AOPEP: variants seen among roughly 807,000 people sequenced by gnomAD.
AOPEP encodes the protein aminopeptidase O (putative).
AOPEP carries 77 observed loss-of-function variants against 98.1 expected under a neutral mutation model. The observed-to-expected ratio is 0.78, with a 90% confidence interval of 0.65 to 0.95. The LOEUF is 0.95. Among genes scored for constraint, AOPEP ranks in the 40% least tolerant of loss-of-function variants. AOPEP has a pLI of 0.00. For synonymous variants in AOPEP, 346 were observed against 365.3 expected, an observed-to-expected ratio of 0.95 and a Z score of 0.60; for missense variants, 1,024 against 1,024.7, an observed-to-expected ratio of 1.00 and a Z score of 0.01.
At chr9:95,004,995 A>G (rs1291846468) in intron 11 of AOPEP, 163 bp from the exon 12 acceptor site, 1 of 158,084 alleles carries the variant, frequency 6.3e-6, no homozygotes, top group Admixed American at 6.8e-5. Flanking sequence ...GCCTGAGGTG[A>G]TGCGGACCCC....
At chr9:95,070,246 A>G (rs767360920) in intron 14 of AOPEP, among the ~76,000 whole-genome samples, 6 of 152,358 alleles carry the variant, frequency 3.9e-5, no homozygotes, top group Middle Eastern at 3.4e-3. Context: ...AAGTCAAGTT[A>G]AATCTAATTT....
intron 1 of AOPEP, among the ~76,000 whole-genome samples, chr9:94,744,925 T>C (rs1288744536): frequency 6.6e-6 from 1 of 152,108 alleles, no homozygotes; most frequent in Non-Finnish European, 1.5e-5. Flanking sequence ...GAGCTCTTTT[T>C]TTATTTTTAA....
intron 16 of AOPEP, chr9:95,086,377 G>A (rs919135594): frequency 2.8e-5 from 28 of 985,328 alleles, no homozygotes; most frequent in Admixed American, 6.1e-5. Flanking sequence ...CTCCCACGGC[G>A]AGGTGAGCTG....
At chr9:95,024,845 A>C (rs1398762122) in intron 13 of AOPEP, among the ~76,000 whole-genome samples, 1 of 152,220 alleles carries the variant, frequency 6.6e-6, no homozygotes, top group Non-Finnish European at 1.5e-5. Flanking sequence ...GCTAAAAATA[A>C]TTCCAACCAT....
At chr9:94,969,913 A>G (rs1407037879) in intron 10 of AOPEP, among the ~76,000 whole-genome samples, 3 of 152,086 alleles carry the variant, frequency 2.0e-5, no homozygotes, top group African/African-American at 7.2e-5. Flanking sequence ...AGGGCCAGTA[A>G]CCTCCATGTT....
intron 13 of AOPEP, among the ~76,000 whole-genome samples, chr9:95,041,804 C>G (rs2133586879): frequency 6.6e-6 from 1 of 152,160 alleles, no homozygotes; most frequent in Admixed American, 6.5e-5. Flanking sequence ...ATAAAAGCAG[C>G]AGAGCAGTTA....
At chr9:95,006,812 G>C (rs1434930156) in intron 13 of AOPEP, among the ~76,000 whole-genome samples, 1 of 152,170 alleles carries the variant, frequency 6.6e-6, no homozygotes, top group East Asian at 1.9e-4. Flanking sequence ...AAATGTTTGT[G>C]AGGTGATGAA....
chr9:94,978,016 AG>A (rs2059956694), intron 10 of AOPEP, among the ~76,000 whole-genome samples: 1 of 152,172 alleles, frequency 6.6e-6, no homozygotes, highest in Non-Finnish European at 1.5e-5. Flanking sequence ...ATAGGGGGAA[AG>A]AAAGGAAGAG....
the AOPEP span, chr9:95,126,516 G>A: frequency 6.2e-7 from 1 of 1,612,620 alleles, no homozygotes; most frequent in Non-Finnish European, 8.5e-7. Context: ...AGAAGAAACA[G>A]TGTAACGTTT....
At chr9:94,865,392 A>G (rs1267299958) in intron 5 of AOPEP, among the ~76,000 whole-genome samples, 1 of 152,218 alleles carries the variant, frequency 6.6e-6, no homozygotes, top group African/African-American at 2.4e-5. Context: ...ACAGTTTTAT[A>G]TACAGCTTTT....
the AOPEP span, among the ~76,000 whole-genome samples, chr9:95,096,412 C>T: frequency 4.0e-5 from 6 of 150,882 alleles, no homozygotes; most frequent in South Asian, 2.1e-4. Flanking sequence ...GAATGGCCAT[C>T]GGCAACATGG....
intron 14 of AOPEP, among the ~76,000 whole-genome samples, chr9:95,069,198 T>C (rs917313804): frequency 3.3e-5 from 5 of 152,244 alleles, no homozygotes; most frequent in African/African-American, 1.2e-4. Context: ...CCGGATTTCA[T>C]GTCTGACACA....
At chr9:94,955,308 T>G (rs1327127089) in intron 8 of AOPEP, 29 bp downstream of exon 8, 1 of 1,447,422 alleles carries the variant, frequency 6.9e-7, no homozygotes, top group Admixed American at 1.8e-5. Context: ...CAGAAGCCAG[T>G]GATTGTGGTG....
intron 11 of AOPEP, among the ~76,000 whole-genome samples, chr9:94,988,236 C>G (rs1310816805): frequency 1.3e-5 from 2 of 152,184 alleles, no homozygotes; most frequent in African/African-American, 2.4e-5. Flanking sequence ...TAGGAAGCCA[C>G]AAGAAACAAG....
chr9:95,123,475 A>C, the AOPEP span: 2 of 462,940 alleles, frequency 4.3e-6, no homozygotes, highest in Non-Finnish European at 8.6e-6. Context: ...CCCCATCTCT[A>C]ATAAAAATAC....
At chr9:95,085,243 T>C in intron 16 of AOPEP, 1 of 495,154 alleles carries the variant, frequency 2.0e-6, no homozygotes, top group Non-Finnish European at 4.2e-6. Flanking sequence ...CCTGGCATGC[T>C]GATTTGTGAC....
chr9:94,729,406 C>T (rs193208765), intron 1 of AOPEP, among the ~76,000 whole-genome samples: 630 of 151,908 alleles, frequency 4.1e-3, no homozygotes, highest in South Asian at 9.3e-3. Context: ...CCTGCCACTA[C>T]GAAAAATACA....
At chr9:94,965,987 C>T (rs570376971) in intron 9 of AOPEP, among the ~76,000 whole-genome samples, 43 of 149,348 alleles carry the variant, frequency 2.9e-4, no homozygotes, top group African/African-American at 8.7e-4. Context: ...TGGGAGGCTT[C>T]GGTCTGCAGT....
At chr9:94,941,826 T>C (rs568558284) in intron 7 of AOPEP, among the ~76,000 whole-genome samples, 6 of 152,232 alleles carry the variant, frequency 3.9e-5, no homozygotes, top group Non-Finnish European at 8.8e-5. Context: ...GGGTCCTTTT[T>C]CTTTATATAG....
Sources: allele counts gnomAD v4.1 joint callset (sites outside exome capture counted in the v4.1 genomes callset), GRCh38; gene constraint gnomAD v4.1.1; transcripts MANE v1.5; gene names NCBI Gene and HGNC (gene_info 2026-07-23, HGNC 2026-07-21).